FRAS1: variants seen among roughly 807,000 people sequenced by gnomAD.
The protein encoded by FRAS1 is extracellular matrix organizing protein FRAS1.
FRAS1 carries 290 observed loss-of-function variants against 435.2 expected under a neutral mutation model. That is an observed-to-expected ratio of 0.67 (90% confidence interval 0.61 to 0.73). The LOEUF (loss-of-function observed/expected upper bound fraction) is 0.73. Among genes scored for constraint, FRAS1 ranks in the 30% least tolerant of loss-of-function variants. The pLI is 0.00. For synonymous variants in FRAS1, 1,800 were observed against 1,851.0 expected (o/e 0.97, Z 0.71); for missense variants, 4,860 against 5,001.5 (o/e 0.97, Z 0.85).
At chr4:78,458,271 C>T (rs1484342) in intron 47 of FRAS1, among the ~76,000 whole-genome samples, 112,173 of 152,090 alleles carry the variant, frequency 0.74, 41,734 homozygotes, top group African/African-American at 0.79. Context: ...TCCTCACTAA[C>T]GGAGAAATCA....
chr4:78,294,131 C>T (rs1381243756), intron 14 of FRAS1, among the ~76,000 whole-genome samples: 1 of 152,216 alleles, frequency 6.6e-6, no homozygotes, highest in Non-Finnish European at 1.5e-5. Flanking sequence ...CACCCAAGCA[C>T]TGTCCCTGTT....
intron 33 of FRAS1, among the ~76,000 whole-genome samples, chr4:78,420,916 A>T (rs1331214231): frequency 2.4e-5 from 3 of 122,638 alleles, no homozygotes; most frequent in Non-Finnish European, 3.6e-5. Flanking sequence ...ATATATATAT[A>T]TATATTTATA....
chr4:78,506,490 C>T (rs773293781), intron 61 of FRAS1, among the ~76,000 whole-genome samples: 13 of 152,344 alleles, frequency 8.5e-5, no homozygotes, highest in African/African-American at 2.4e-4. Context: ...GCTACAGCCT[C>T]GCGGGTTGAT....
chr4:78,286,493 G>C lies in FRAS1; in HGVS notation c.1488G>C (p.Val496=). The C allele has an allele frequency of 1.2e-6, 2 of 1,613,614 alleles. No individual in the cohort carries two copies. The highest frequency in any genetic ancestry group is 1.7e-6 in the Non-Finnish European group (2 of 1,179,882). Residue 496 remains valine, a synonymous_variant, in exon 14 of 74, where the codon GTG becomes GTC. Coordinates refer to ENST00000512123, the MANE Select transcript of FRAS1 (RefSeq NM_025074.7). ...PPLLMRHGQC[V]PTCGDGFYQD... ...TGCTGATGCGGCACGGGCAGTGTGT[G>C]CCTACCTGTGGGGACGGCTTCTACC... is the stretch of plus-strand genomic sequence containing the variant.
chr4:78,402,617 A>C (rs1156247143), intron 30 of FRAS1, among the ~76,000 whole-genome samples: 1 of 152,222 alleles, frequency 6.6e-6, no homozygotes, highest in Non-Finnish European at 1.5e-5. Context: ...ACGTCTTATA[A>C]CTATAGAACA....
chr4:78,466,350 G>A lies in FRAS1; in HGVS notation c.7172G>A (p.Gly2391Asp), dbSNP rs778454575. Residue 2391 changes from glycine (G) to aspartate (D), a missense_variant, in exon 50 of 74, where the codon GGC becomes GAC. Transcript: ENST00000512123. ...AACCGGGTCAGCTACAGCCATGACG[G>A]CAGTAACTCCCTCAAGGACCGGTTC... is the stretch of plus-strand genomic sequence containing the variant. ...YQNRVSYSHD[G>D]SNSLKDRFTF... The A allele has an allele frequency of 2.9e-5, 47 of 1,613,852 alleles. No individual in the cohort carries two copies. Among genetic ancestry groups the A allele is most frequent in the Non-Finnish European group, 3.2e-5 (38 of 1,179,878 alleles).
intron 28 of FRAS1, 42 bp from the exon 29 acceptor site, chr4:78,387,333 T>A: frequency 6.9e-7 from 1 of 1,458,560 alleles, no homozygotes; most frequent in South Asian, 1.3e-5. Context: ...GATTGTCCTT[T>A]CTTTCCCTCT....
chr4:78,228,416 A>G (rs1724363409), intron 2 of FRAS1, among the ~76,000 whole-genome samples: 1 of 152,234 alleles, frequency 6.6e-6, no homozygotes, highest in Non-Finnish European at 1.5e-5. Flanking sequence ...TCACTATTAC[A>G]GGATTATGTT....
At chr4:78,380,063 T>G in intron 27 of FRAS1, 67 bp downstream of exon 27, 1 of 1,531,686 alleles carries the variant, frequency 6.5e-7, no homozygotes, top group South Asian at 1.3e-5. Flanking sequence ...TCCTCCACCC[T>G]GTCCCAGCCT....
chr4:78,192,463 C>T (rs554844942), intron 2 of FRAS1, among the ~76,000 whole-genome samples: 1 of 152,140 alleles, frequency 6.6e-6, no homozygotes, highest in Non-Finnish European at 1.5e-5. Context: ...TGTTATTGGT[C>T]TATTCAGAGA....
chr4:78,121,932 C>A (rs990307072), intron 2 of FRAS1, among the ~76,000 whole-genome samples: 3 of 152,272 alleles, frequency 2.0e-5, no homozygotes, highest in South Asian at 2.1e-4. Flanking sequence ...AGACGACAAT[C>A]AAGACTCTAG....
intron 61 of FRAS1, among the ~76,000 whole-genome samples, chr4:78,504,367 A>T (rs1230678748): frequency 2.0e-5 from 3 of 152,076 alleles, no homozygotes; most frequent in Non-Finnish European, 4.4e-5. Context: ...ATCTCTTTGT[A>T]GTCTCTAAGG....
chr4:78,222,844 C>G (rs1449716234), intron 2 of FRAS1, among the ~76,000 whole-genome samples: 3 of 152,162 alleles, frequency 2.0e-5, no homozygotes, highest in African/African-American at 7.2e-5. Context: ...GTACTGTCAG[C>G]TAATTGGATT....
intron 2 of FRAS1, among the ~76,000 whole-genome samples, chr4:78,201,499 C>T (rs143715065): frequency 2.5e-4 from 38 of 152,198 alleles, no homozygotes; most frequent in African/African-American, 8.4e-4. Context: ...TCTTTCAGTG[C>T]TTTGACTAGA....
chr4:78,378,962 A>AC (rs1731894452), intron 26 of FRAS1, among the ~76,000 whole-genome samples: 1 of 152,004 alleles, frequency 6.6e-6, no homozygotes, highest in African/African-American at 2.4e-5. Context: ...GTAAAAATGT[A>AC]CTCCTATATT....
At chr4:78,273,004 A>T (rs938075182) in intron 9 of FRAS1, among the ~76,000 whole-genome samples, 1 of 152,170 alleles carries the variant, frequency 6.6e-6, no homozygotes, top group African/African-American at 2.4e-5. Context: ...AGTGGTTTGT[A>T]GTTCTCCTTG....
At chr4:78,145,553 C>T (rs1578151508) in intron 2 of FRAS1, among the ~76,000 whole-genome samples, 1 of 152,128 alleles carries the variant, frequency 6.6e-6, no homozygotes, top group South Asian at 2.1e-4. Context: ...GTTAGAGAAC[C>T]TAACTGAGCT....
In FRAS1 at chr4:78,060,307, TCTC is replaced by T. The variant is rs375449144; in HGVS notation, c.76+2226_76+2228del. Among the ~76,000 whole-genome samples the T allele has an allele frequency of 3.3e-3, 506 of 152,282 alleles. 2 individuals are homozygous for T. The highest frequency in any genetic ancestry group is 0.012 in the African/African-American group (486 of 41,566). ...TTGGAAACCTCAAGGATCTTAGAAA[TCTC>T]CTCAAGTTTTTATTATCAGCCTAGA... On this transcript the variant is annotated intron_variant, in intron 1 of 73. Coordinates refer to ENST00000512123, the MANE Select transcript of FRAS1 (RefSeq NM_025074.7).
At chr4:78,149,308 T>C (rs533075174) in intron 2 of FRAS1, among the ~76,000 whole-genome samples, 15 of 152,336 alleles carry the variant, frequency 9.8e-5, no homozygotes, top group Non-Finnish European at 1.6e-4. Context: ...CTTCTCTATG[T>C]TAAGTTGTAT....
Sources: allele counts gnomAD v4.1 joint callset (sites outside exome capture counted in the v4.1 genomes callset), GRCh38; gene constraint gnomAD v4.1.1; transcripts MANE v1.5; gene names NCBI Gene and HGNC (gene_info 2026-07-23, HGNC 2026-07-21).